The following NRXN3 variants were observed in gnomAD, a reference collection of about 807,000 sequenced individuals.
The protein encoded by NRXN3 is neurexin 3.
Under a neutral mutation model 137.6 loss-of-function variants are expected in NRXN3, and 32 were observed. The observed-to-expected ratio is 0.23, with a 90% CI of 0.18 to 0.31. NRXN3 has a LOEUF of 0.31. NRXN3 is among the 10% of genes least tolerant of loss of function. The pLI, the probability that NRXN3 is intolerant of heterozygous loss-of-function variation, is 1.00. For synonymous variants in NRXN3, 798 were observed against 784.5 expected (o/e 1.02, Z -0.29); for missense variants, 1,574 against 2,062.5 (o/e 0.76, Z 4.59).
intron 6 of NRXN3, among the ~76,000 whole-genome samples, chr14:78,672,397 C>T (rs2152718106): frequency 6.6e-6 from 1 of 152,326 alleles, no homozygotes; most frequent in Admixed American, 6.5e-5. Flanking sequence ...GGCACTATGG[C>T]TACCATGTAT....
intron 16 of NRXN3, among the ~76,000 whole-genome samples, chr14:79,567,770 G>A (rs1206735161): frequency 6.6e-6 from 1 of 152,112 alleles, no homozygotes; most frequent in East Asian, 1.9e-4. Context: ...TTAACTGCGT[G>A]GGCTGGACTA....
chr14:79,512,859 T>C (rs1232497062), intron 16 of NRXN3, among the ~76,000 whole-genome samples: 1 of 152,214 alleles, frequency 6.6e-6, no homozygotes, highest in Non-Finnish European at 1.5e-5. Context: ...CTATTCTGTA[T>C]GGCATAACAC....
chr14:78,563,895 G>A (rs959911070), intron 4 of NRXN3, among the ~76,000 whole-genome samples: 1 of 152,204 alleles, frequency 6.6e-6, no homozygotes, highest in Non-Finnish European at 1.5e-5. Flanking sequence ...GAAGGAGGAA[G>A]CAGAACTGGA....
chr14:78,604,313 T>A (rs2097228247), intron 4 of NRXN3, among the ~76,000 whole-genome samples: 1 of 152,014 alleles, frequency 6.6e-6, no homozygotes, highest in Non-Finnish European at 1.5e-5. Context: ...TTTTTTTTTT[T>A]TTTGATTTAC....
chr14:78,520,353 T>C (rs1359501566), intron 4 of NRXN3, among the ~76,000 whole-genome samples: 1 of 152,200 alleles, frequency 6.6e-6, no homozygotes, highest in African/African-American at 2.4e-5. Flanking sequence ...TATTTTAGCA[T>C]TTAATTAATC....
At chr14:78,534,318 A>G (rs2096508677) in intron 4 of NRXN3, among the ~76,000 whole-genome samples, 1 of 152,354 alleles carries the variant, frequency 6.6e-6, no homozygotes, top group African/African-American at 2.4e-5. Context: ...TAATGACTAT[A>G]GATAAATGCT....
At chr14:78,373,160 A>G (rs1243723055) in intron 4 of NRXN3, among the ~76,000 whole-genome samples, 2 of 152,244 alleles carry the variant, frequency 1.3e-5, no homozygotes, top group South Asian at 2.1e-4. Flanking sequence ...GAGGTCGAGA[A>G]TGCCAAGTCA....
chr14:79,350,275 T>C (rs767129234), intron 15 of NRXN3, among the ~76,000 whole-genome samples: 3 of 152,210 alleles, frequency 2.0e-5, no homozygotes, highest in Non-Finnish European at 4.4e-5. Flanking sequence ...CCAACTTTCA[T>C]ACTTTCATTG....
intron 15 of NRXN3, among the ~76,000 whole-genome samples, chr14:79,230,042 T>C (rs1259541465): frequency 6.6e-6 from 1 of 152,102 alleles, no homozygotes; most frequent in Non-Finnish European, 1.5e-5. Flanking sequence ...AGGTGAGCCA[T>C]AATGAGGCTC....
intron 16 of NRXN3, among the ~76,000 whole-genome samples, chr14:79,535,951 A>G (rs1289041333): frequency 6.6e-6 from 1 of 152,180 alleles, no homozygotes; most frequent in Non-Finnish European, 1.5e-5. Context: ...TCGAGAGCCC[A>G]GTGGGATTAT....
chr14:78,536,954 G>T (rs1402981623), intron 4 of NRXN3, among the ~76,000 whole-genome samples: 2 of 152,136 alleles, frequency 1.3e-5, no homozygotes, highest in Non-Finnish European at 2.9e-5. Flanking sequence ...TTTTATGGCT[G>T]CATAGTATTC....
chr14:78,259,490 A>G (rs1267374329), intron 2 of NRXN3, among the ~76,000 whole-genome samples: 1 of 151,900 alleles, frequency 6.6e-6, no homozygotes, highest in Non-Finnish European at 1.5e-5. Flanking sequence ...AAAGCCATAT[A>G]CCTCTAGGGA....
rs114321607 is a variant in NRXN3, at chr14:78,741,681, T to C, written c.2044+26542T>C. Reference sequence around the variant, plus strand: ...TTATTATTTTTGCAATAAGAACACTTAAGATATACTCTCTTAGCATATTTC... The same window carrying C: ...TTATTATTTTTGCAATAAGAACACTCAAGATATACTCTCTTAGCATATTTC... On this transcript the variant is annotated intron_variant, in intron 8 of 20. Coordinates refer to ENST00000335750, the MANE Select transcript of NRXN3 (RefSeq NM_001330195.2). Among the ~76,000 whole-genome samples the C allele has an allele frequency of 5.1e-3, 770 of 152,282 alleles. 9 individuals are homozygous for C. The highest frequency in any genetic ancestry group is 0.018 in the African/African-American group (740 of 41,558).
chr14:79,271,849 G>A (rs986083538), intron 15 of NRXN3, among the ~76,000 whole-genome samples: 3 of 152,028 alleles, frequency 2.0e-5, no homozygotes, highest in East Asian at 1.9e-4. Context: ...AATAGTGAAC[G>A]TCAATTTACA....
chr14:79,248,145 T>C (rs1287989647), intron 15 of NRXN3, among the ~76,000 whole-genome samples: 3 of 152,182 alleles, frequency 2.0e-5, no homozygotes, highest in Non-Finnish European at 4.4e-5. Flanking sequence ...AGTCCACATA[T>C]GATAACATTT....
chr14:79,293,862 A>G (rs1271360939), intron 15 of NRXN3, among the ~76,000 whole-genome samples: 1 of 152,258 alleles, frequency 6.6e-6, no homozygotes, highest in African/African-American at 2.4e-5. Flanking sequence ...AGAGCTTTTG[A>G]GCCTAATTAC....
intron 1 of NRXN3, among the ~76,000 whole-genome samples, chr14:78,187,783 T>G (rs1004317122): frequency 6.1e-5 from 5 of 82,286 alleles, no homozygotes; most frequent in Non-Finnish European, 1.4e-4. Flanking sequence ...TTTTAGTTGT[T>G]TTTTTTTTTT....
At chr14:79,142,201 G>C (rs1457693077) in intron 15 of NRXN3, among the ~76,000 whole-genome samples, 1 of 152,080 alleles carries the variant, frequency 6.6e-6, no homozygotes, top group African/African-American at 2.4e-5. Flanking sequence ...AGCCGAGGTG[G>C]ACGGGTCACA....
chr14:78,843,234 CCA>C (rs2099017576), intron 10 of NRXN3, among the ~76,000 whole-genome samples: 1 of 152,124 alleles, frequency 6.6e-6, no homozygotes, highest in Non-Finnish European at 1.5e-5. Context: ...TCTTCACAAT[CCA>C]CATTCTTCTG....
Sources: gnomAD v4.1 joint callset for allele counts (sites outside exome capture counted in the v4.1 genomes callset) on GRCh38, gnomAD v4.1.1 for gene constraint, MANE v1.5 for transcripts, NCBI Gene and HGNC (gene_info 2026-07-23, HGNC 2026-07-21) for gene names.